Variants in LETM1 observed in about 807,000 individuals in gnomAD.
LETM1 encodes leucine zipper and EF-hand containing transmembrane protein 1, also known as mitochondrial proton/calcium exchanger protein.
In LETM1, 50 loss-of-function variants were observed where a neutral mutation model predicts 74.5. The observed-to-expected ratio is 0.67, with a 90% CI of 0.53 to 0.85. The LOEUF (loss-of-function observed/expected upper bound fraction) is 0.85. LETM1 is among the 40% of genes least tolerant of loss of function. The pLI, the probability that LETM1 is intolerant of heterozygous loss-of-function variation, is 0.00. For synonymous variants in LETM1, 446 were observed against 407.1 expected (o/e 1.10, Z -1.15); for missense variants, 824 against 967.8 (o/e 0.85, Z 1.97).
At chr4:1,832,718 G>A (rs760319291) in intron 6 of LETM1, 26 bp downstream of exon 6, 38 of 1,605,574 alleles carry the variant, frequency 2.4e-5, no homozygotes, top group Non-Finnish European at 2.8e-5. Context: ...CACCAGAGCT[G>A]TGGCGCGGAG....
chr4:1,849,274 T>G, intron 1 of LETM1, 65 bp from the exon 2 acceptor site: 1 of 1,247,522 alleles, frequency 8.0e-7, no homozygotes, highest in Admixed American at 1.8e-5. Flanking sequence ...TACCTTTTTT[T>G]GTTGTTGGTT....
intron 5 of LETM1, chr4:1,833,425 C>T (rs1712350733): frequency 5.5e-6 from 1 of 180,722 alleles, no homozygotes; most frequent in Non-Finnish European, 1.2e-5. Flanking sequence ...GCTGAGGCTG[C>T]TGTCTGCTGG....
chr4:1,850,066 A>C (rs540154433), intron 1 of LETM1, among the ~76,000 whole-genome samples: 15 of 152,182 alleles, frequency 9.9e-5, no homozygotes, highest in Non-Finnish European at 1.9e-4. Context: ...AGTCAGGAGA[A>C]TAGCTTGAAC....
intron 2 of LETM1, among the ~76,000 whole-genome samples, chr4:1,846,118 A>T (rs1010836058): frequency 6.6e-6 from 1 of 151,700 alleles, no homozygotes; most frequent in Non-Finnish European, 1.5e-5. Context: ...CAACTTTCCA[A>T]AGTGCTGGGA....
chr4:1,836,364 C>T lies in LETM1; in HGVS notation c.738+65G>A, dbSNP rs1712462893. 3.9e-6 allele frequency: 6 copies of T among 1,547,322 alleles called. No individual in the cohort carries two copies. Among genetic ancestry groups the T allele is most frequent in the Non-Finnish European group, 5.3e-6 (6 of 1,122,118 alleles). On this transcript the variant is annotated intron_variant, in intron 4 of 13. Coordinates refer to ENST00000302787, the MANE Select transcript of LETM1 (RefSeq NM_012318.3). The surrounding 1 kb of genome is among the most constrained non-coding windows in gnomAD (Gnocchi z 5.8). ...TATCTAGCACCTGAAAAGTCACAAA[C>T]AAGGAAGCCATCACAATGAATTTCA...
At chr4:1,830,369 T>C (rs1441065403) in intron 6 of LETM1, among the ~76,000 whole-genome samples, 1 of 152,238 alleles carries the variant, frequency 6.6e-6, no homozygotes, top group Non-Finnish European at 1.5e-5. Flanking sequence ...TCTCCCTCTG[T>C]TGCCCAGGCT....
rs948239363 is a variant in LETM1, at chr4:1,823,519, G to C, written c.1332+125C>G. 73 of 1,198,814 alleles carry C rather than the reference G, an allele frequency of 6.1e-5. No individual in the cohort carries two copies. In the African/African-American group the frequency reaches 7.5e-4, roughly 12 times the overall value. The allele number at this position is 1,198,814 out of a possible 1,614,324, so 74.3% of individuals were successfully genotyped here. On this transcript the variant is annotated intron_variant, in intron 8 of 13. Transcript: ENST00000302787. Reference sequence around the variant, plus strand: ...GTGGCTGGGTGGGGGCACTCGCGAGGGGGTGGGAGGCAGGCTCCTCGCCCA... The same window carrying C: ...GTGGCTGGGTGGGGGCACTCGCGAGCGGGTGGGAGGCAGGCTCCTCGCCCA...
In LETM1 at chr4:1,841,759, A is replaced by T; in HGVS notation, c.182T>A (p.Val61Glu). Residue 61 changes from valine (V) to glutamate (E), a missense_variant, in exon 3 of 14, where the codon GTG becomes GAG. By Grantham distance (121) the Val-to-Glu change is moderately radical. Around this residue, in one of 4 missense-constraint regions of LETM1, gnomAD observed 222 missense variants for 195.6 expected, o/e 1.14. Coordinates refer to ENST00000302787, the MANE Select transcript of LETM1 (RefSeq NM_012318.3). ...PFGCCTPIHPVYTSSRGDHLG... is the reference protein window; with the variant it reads ...PFGCCTPIHPEYTSSRGDHLG... The stretch of plus-strand genomic sequence containing the variant: ...GTGATCGCCTCTGGAGGATGTGTAC[A>T]CAGGGTGGATGGGAGTGCAGCAGCC... 1 of 1,613,952 alleles carries T rather than the reference A, an allele frequency of 6.2e-7. No homozygotes were observed. Among genetic ancestry groups the T allele is most frequent in the Non-Finnish European group, 8.5e-7 (1 of 1,179,992 alleles).
chr4:1,828,166 G>A (rs1712078563), intron 6 of LETM1, among the ~76,000 whole-genome samples: 3 of 119,600 alleles, frequency 2.5e-5, no homozygotes, highest in Admixed American at 7.7e-5. Context: ...TCCCAGTAGG[G>A]GCGGCCGGGC....
chr4:1,820,054 A>T (rs531425333), intron 10 of LETM1, among the ~76,000 whole-genome samples: 1 of 152,266 alleles, frequency 6.6e-6, no homozygotes, highest in African/African-American at 2.4e-5. Flanking sequence ...CTCCTGCCTC[A>T]GCCTCCCCAG....
rs758331889 is a variant in LETM1 at position 1,832,853 on chromosome 4, G to A, written c.971C>T (p.Pro324Leu). ...DELTLDNLTR[P>L]QLVALCKLLE... ...CAGCTTGCACAGGGCCACCAGCTGC[G>A]GCCGTGTCAGGTTGTCCAGGGTCAG... is the stretch of plus-strand genomic sequence containing the variant. Residue 324 changes from proline (P) to leucine (L), a missense_variant, in exon 6 of 14, where the codon CCG becomes CTG. Coordinates refer to ENST00000302787, the MANE Select transcript of LETM1 (RefSeq NM_012318.3). 1.1e-5 allele frequency: 17 copies of A among 1,613,946 alleles called. No individual in the cohort carries two copies. Among genetic ancestry groups the A allele is most frequent in the African/African-American group, 2.7e-5 (2 of 75,008 alleles).
At chr4:1,833,103 G>C (rs574322417) in intron 5 of LETM1, 156 bp from the exon 6 acceptor site, 2 of 644,024 alleles carry the variant, frequency 3.1e-6, no homozygotes, top group East Asian at 2.8e-5. Context: ...ACAGGGTCTC[G>C]CTCTGTTACC....
Position 1,832,724 on chromosome 4 carries a change from CG to C in LETM1, c.1080+19del. ...AAGGTAAAACACCAGAGCTGTGGCG[CG>C]GAGTATGGCCAGGCTCACCTTGTCG... On this transcript the variant is annotated intron_variant, in intron 6 of 13. Transcript: ENST00000302787. The C allele has an allele frequency of 6.2e-7, 1 of 1,610,414 alleles. No individual in the cohort carries two copies.
At position 1,814,301 on chromosome 4, in the gene LETM1, G is replaced by A; in HGVS notation, c.*123C>T. 1 of 1,409,186 alleles carries A rather than the reference G, an allele frequency of 7.1e-7. No homozygotes were observed. The highest frequency in any genetic ancestry group is 9.8e-7 in the Non-Finnish European group (1 of 1,023,668). The allele number at this position is 1,409,186 out of a possible 1,614,324, so 87.3% of individuals were successfully genotyped here. On this transcript the variant is annotated 3_prime_UTR_variant, in exon 14 of 14. Coordinates refer to ENST00000302787, the MANE Select transcript of LETM1 (RefSeq NM_012318.3). ...AATTAAAATTTACTTGATTATGGAAGTCTCTGATTTATTCCAGCCAAAATA... is the reference window on the plus strand; with the variant it reads ...AATTAAAATTTACTTGATTATGGAAATCTCTGATTTATTCCAGCCAAAATA...
Position 1,819,404 on chromosome 4 carries a change from C to T in LETM1, c.1677G>A (p.Lys559=). The change falls in exon 11 of 14, where the codon AAG becomes AAA. Residue 559 remains lysine (K), a synonymous_variant. Coordinates refer to ENST00000302787, the MANE Select transcript of LETM1 (RefSeq NM_012318.3). ...CCTCCTTCTCCTTGGTGAGTGACTT[C>T]TTCTGCTCCTGCAGCTTAGAGCAGG... The part of the protein sequence containing the change: ...SDACSKLQEQ[K]KSLTKEKEEL... 1 of 1,614,018 alleles carries T rather than the reference C, an allele frequency of 6.2e-7. No homozygotes were observed. The highest frequency in any genetic ancestry group is 1.1e-5 in the South Asian group (1 of 91,048).
At chr4:1,854,064 A>C (rs1713156808) in intron 1 of LETM1, among the ~76,000 whole-genome samples, 2 of 152,230 alleles carry the variant, frequency 1.3e-5, no homozygotes, top group Non-Finnish European at 2.9e-5. Flanking sequence ...GAGAGCTCTA[A>C]CATCTAACAC....
rs1232049696 is a variant in LETM1 at position 1,811,757 on chromosome 4, A to G, written c.*2667T>C. ...AAAAGTCTGGACTGTGACACTGCAG[A>G]AGGAGTCTGAAAGCCCAATTCCTGA... On this transcript the variant is annotated 3_prime_UTR_variant, in exon 14 of 14. Coordinates refer to ENST00000302787, the MANE Select transcript of LETM1 (RefSeq NM_012318.3). 6.6e-6 allele frequency: 1 copy of G among 152,352 alleles called. No individual in the cohort carries two copies. The highest frequency in any genetic ancestry group is 1.5e-5 in the Non-Finnish European group (1 of 68,060). The allele number at this position is 152,352 out of a possible 1,614,324, so 9.4% of individuals were successfully genotyped here.
Position 1,816,780 on chromosome 4 carries a change from C to T in LETM1, c.1878G>A (p.Leu626=). Residue 626 remains leucine, a synonymous_variant, in exon 12 of 14, where the codon CTG becomes CTA. Coordinates refer to ENST00000302787, the MANE Select transcript of LETM1 (RefSeq NM_012318.3). ...IGQIDGLISQ[L]EMDQQAGKLA... ...GCTTGCCAGCCTGCTGGTCCATCTC[C>T]AGCTGCGAGATCAAGCCATCGATCT... 6.2e-7 allele frequency: 1 copy of T among 1,614,254 alleles called. No homozygotes were observed. The highest frequency in any genetic ancestry group is 8.5e-7 in the Non-Finnish European group (1 of 1,180,036).
rs1711802863 is a variant in LETM1, at chr4:1,822,171, G to GCCTCATTACCTTCAAGC, written c.1601_1608+9dup. 1.4e-6 allele frequency: 2 copies of GCCTCATTACCTTCAAGC among 1,402,618 alleles called. No individual in the cohort carries two copies. Among genetic ancestry groups the GCCTCATTACCTTCAAGC allele is most frequent in the Non-Finnish European group, 1.9e-6 (2 of 1,063,622 alleles). 86.9% of individuals were successfully genotyped at this position (1,402,618 alleles called of 1,614,324 possible). A position where few individuals can be genotyped will look rare whatever the true frequency, so the allele number is the denominator to read the frequency against. On this transcript the variant is annotated intron_variant, in intron 10 of 13. Coordinates refer to ENST00000302787, the MANE Select transcript of LETM1 (RefSeq NM_012318.3). ...CTCAGCCTCCAGGGCCCCAGAACCT[G>GCCTCATTACCTTCAAGC]CCTCATTACCTTCAAGCCCTCCAGC...
Sources: gnomAD v4.1 joint callset for allele counts (sites outside exome capture counted in the v4.1 genomes callset) on GRCh38, gnomAD v4.1.1 for gene constraint, gnomAD v4.1.1 regional missense constraint, Gnocchi (gnomAD v3.1) non-coding constraint, MANE v1.5 for transcripts, NCBI Gene and HGNC (gene_info 2026-07-23, HGNC 2026-07-21) for gene names.